The following GGACT variants were observed in gnomAD, a reference collection of about 807,000 sequenced individuals.
GGACT encodes the protein gamma-glutamylaminecyclotransferase.
For synonymous variants in GGACT, 118 were observed against 115.3 expected (o/e 1.02, Z -0.15); for missense variants, 241 against 233.2 (o/e 1.03, Z -0.22).
At chr13:100,579,684 A>C (rs1475847753) in intron 2 of GGACT, among the ~76,000 whole-genome samples, 2 of 152,132 alleles carry the variant, frequency 1.3e-5, no homozygotes, top group Admixed American at 6.5e-5. Flanking sequence ...TATTTCCATC[A>C]GCTCACACCC....
intron 2 of GGACT, among the ~76,000 whole-genome samples, chr13:100,568,585 T>C (rs771423170): frequency 3.3e-5 from 5 of 152,242 alleles, no homozygotes; most frequent in Non-Finnish European, 7.3e-5. Flanking sequence ...CAATTCAAGA[T>C]GAGATTTGGA....
intron 2 of GGACT, among the ~76,000 whole-genome samples, chr13:100,563,163 G>C (rs1415222602): frequency 6.6e-6 from 1 of 152,182 alleles, no homozygotes; most frequent in East Asian, 1.9e-4. Context: ...TGAATGCACT[G>C]ATGGATGCTG....
intron 2 of GGACT, among the ~76,000 whole-genome samples, chr13:100,569,200 C>G (rs9518094): frequency 0.37 from 56,826 of 152,246 alleles, 11,560 homozygotes; most frequent in Non-Finnish European, 0.47. Context: ...AGTGGGGACT[C>G]TGTGTGGGGG....
At chr13:100,579,763 A>G (rs1362469100) in intron 2 of GGACT, among the ~76,000 whole-genome samples, 3 of 152,142 alleles carry the variant, frequency 2.0e-5, no homozygotes, top group East Asian at 3.9e-4. Context: ...TGGAGAGTTC[A>G]CCCTGGGTCT....
chr13:100,573,867 T>C (rs991248688), intron 2 of GGACT, among the ~76,000 whole-genome samples: 2 of 134,470 alleles, frequency 1.5e-5, no homozygotes, highest in African/African-American at 2.8e-5. Context: ...CCTGTCAAGA[T>C]GGCATTATCA....
At position 100,532,580 on chromosome 13, in the gene GGACT, G is replaced by A; in HGVS notation, c.12C>T (p.Val4=). Residue 4 remains valine (V), a synonymous_variant, in exon 3 of 3, where the codon GTC becomes GTT. Transcript: ENST00000683975. ...CCCGCTTCAGGGTGCCGTACACGAA[G>A]ACTAGGGCCATCCGGGCAGAGCTGC... MAL[V]FVYGTLKRGQ... is the part of the protein sequence containing the mutation. 2 of 1,541,686 alleles carry A rather than the reference G, an allele frequency of 1.3e-6. No individual in the cohort carries two copies. The highest frequency in any genetic ancestry group is 1.8e-6 in the Non-Finnish European group (2 of 1,140,720).
chr13:100,563,349 G>T (rs1395344066), intron 2 of GGACT, among the ~76,000 whole-genome samples: 1 of 152,152 alleles, frequency 6.6e-6, no homozygotes, highest in Non-Finnish European at 1.5e-5. Context: ...GCTTAGTGTG[G>T]AAGAGGTTTC....
intron 2 of GGACT, among the ~76,000 whole-genome samples, chr13:100,570,631 T>C (rs1231921618): frequency 6.6e-6 from 1 of 152,152 alleles, no homozygotes; most frequent in Admixed American, 6.5e-5. Context: ...TCTGGGTCCT[T>C]ACCCATCCTC....
intron 1 of GGACT, among the ~76,000 whole-genome samples, chr13:100,587,338 T>C (rs9554707): frequency 0.017 from 2,636 of 152,294 alleles, 79 homozygotes; most frequent in East Asian, 0.15. Context: ...TCCTAACTAG[T>C]AGTAGTTAGG....
chr13:100,579,548 A>G (rs964067628), intron 2 of GGACT, among the ~76,000 whole-genome samples: 1 of 152,162 alleles, frequency 6.6e-6, no homozygotes, highest in Admixed American at 6.5e-5. Context: ...CTGGCCATAA[A>G]GACCTTGGAC....
intron 2 of GGACT, among the ~76,000 whole-genome samples, chr13:100,551,944 C>T (rs2088668407): frequency 6.6e-6 from 1 of 152,180 alleles, no homozygotes; most frequent in Non-Finnish European, 1.5e-5. Context: ...CCTAGCACCC[C>T]AGAAGGAAAG....
Position 100,567,899 on chromosome 13 carries a change from T to G in GGACT, c.-11+15926A>C, listed in dbSNP as rs183291022. 2.0e-5 allele frequency among the ~76,000 whole-genome samples: 3 copies of G among 152,336 alleles called. No individual in the cohort carries two copies. In the East Asian group the frequency reaches 5.8e-4, roughly 29 times the overall value. On this transcript the variant is annotated intron_variant, in intron 2 of 2. Transcript: ENST00000683975. Reference sequence around the variant, plus strand: ...TGATCCTTCTATGTGTTAACTAATTTCTAATCTCAGGTACCACCATCTTCC... The same window carrying G: ...TGATCCTTCTATGTGTTAACTAATTGCTAATCTCAGGTACCACCATCTTCC...
chr13:100,587,269 C>G (rs1875607522), intron 1 of GGACT: 1 of 152,150 alleles, frequency 6.6e-6, no homozygotes, highest in African/African-American at 2.4e-5. Context: ...ATTTTAAAAT[C>G]CCTCTTCTAT....
intron 2 of GGACT, among the ~76,000 whole-genome samples, chr13:100,561,168 A>G (rs1297842531): frequency 6.6e-6 from 1 of 152,108 alleles, no homozygotes; most frequent in Non-Finnish European, 1.5e-5. Flanking sequence ...TTCCAGCTCC[A>G]TTGCTATTAT....
chr13:100,562,478 A>G (rs953277130), intron 2 of GGACT, among the ~76,000 whole-genome samples: 4 of 152,100 alleles, frequency 2.6e-5, no homozygotes, highest in Non-Finnish European at 5.9e-5. Context: ...CAGGCAACTC[A>G]CCCAAAGTCA....
At chr13:100,568,170 AG>A (rs1186489150) in intron 2 of GGACT, among the ~76,000 whole-genome samples, 1 of 152,262 alleles carries the variant, frequency 6.6e-6, no homozygotes, top group Non-Finnish European at 1.5e-5. Flanking sequence ...GGTTGCAATC[AG>A]CAATTTCTAC....
rs1441853174 is a variant in GGACT at position 100,531,020 on chromosome 13, C to CAGTT, written c.*1106_*1109dup. 2 of 152,232 alleles carry CAGTT rather than the reference C, an allele frequency of 1.3e-5. No homozygotes were observed. Among genetic ancestry groups the CAGTT allele is most frequent in the African/African-American group, 4.8e-5 (2 of 41,440 alleles). 9.4% of individuals were successfully genotyped at this position (152,232 alleles called of 1,614,324 possible). On this transcript the variant is annotated 3_prime_UTR_variant, in exon 3 of 3. Transcript: ENST00000683975. ...AATGATCATGTTTTTGTGCCAGATG[C>CAGTT]AGTTAGCGATCACAGTCTGCCATTA...
At position 100,530,278 on chromosome 13, in the gene GGACT, C is replaced by T. The variant is rs978174904; in HGVS notation, c.*1852G>A. On this transcript the variant is annotated 3_prime_UTR_variant, in exon 3 of 3. Coordinates refer to ENST00000683975, the MANE Select transcript of GGACT (RefSeq NM_001195087.2). The stretch of plus-strand genomic sequence containing the variant: ...GAACACCCCTGTGCAGCTACGTTTA[C>T]GTCGTCATTTATTCCACAGAGTCAA... The T allele has an allele frequency of 1.3e-5, 11 of 871,742 alleles. No individual in the cohort carries two copies. Among genetic ancestry groups the T allele is most frequent in the African/African-American group, 9.9e-5 (6 of 60,608 alleles). 54.0% of individuals were successfully genotyped at this position (871,742 alleles called of 1,614,324 possible).
At chr13:100,533,036 CAGCCCTGCAG>C (rs2088438321) in intron 2 of GGACT, among the ~76,000 whole-genome samples, 2 of 152,230 alleles carry the variant, frequency 1.3e-5, no homozygotes. Flanking sequence ...TAATGTTCCT[CAGCCCTGCAG>C]GGGCAGCCCT....
Sources: gnomAD v4.1 joint callset for allele counts (sites outside exome capture counted in the v4.1 genomes callset) on GRCh38, gnomAD v4.1.1 for gene constraint, MANE v1.5 for transcripts, NCBI Gene and HGNC (gene_info 2026-07-23, HGNC 2026-07-21) for gene names.